Variants in DHRSX observed in about 807,000 individuals in gnomAD.
The protein encoded by DHRSX is polyprenol dehydrogenase.
In DHRSX, 31 loss-of-function variants were observed where a neutral mutation model predicts 34.0. That is an observed-to-expected ratio of 0.91 (90% CI 0.69 to 1.23). The LOEUF is 1.23. DHRSX is among the 50% of genes most tolerant of loss of function. DHRSX has a pLI of 0.00. For synonymous variants in DHRSX, 201 were observed against 183.8 expected (o/e 1.09, Z -0.76); for missense variants, 414 against 428.1 (o/e 0.97, Z 0.29).
At chrX:2,229,389 C>G (rs1049223275) in intron 6 of DHRSX, among the ~76,000 whole-genome samples, 1 of 152,028 alleles carries the variant, frequency 6.6e-6, no homozygotes, top group Non-Finnish European at 1.5e-5. Context: ...CTCTCCATAC[C>G]TCTGCTCCAG....
At chrX:2,226,842 G>A (rs2015675827) in intron 6 of DHRSX, among the ~76,000 whole-genome samples, 1 of 152,028 alleles carries the variant, frequency 6.6e-6, no homozygotes. Flanking sequence ...CATGGGCACG[G>A]TTTCTCGTGT....
intron 1 of DHRSX, among the ~76,000 whole-genome samples, chrX:2,451,226 C>T (rs892132059): frequency 7.3e-6 from 1 of 137,272 alleles, no homozygotes; most frequent in East Asian, 2.1e-4. Context: ...CAGCAAGACT[C>T]CATCTTTAAA....
In DHRSX at chrX:2,382,824, A is replaced by T. The variant is rs760306686; in HGVS notation, c.286+25921T>A. ...CACCATCACCGTCATCACCACCATC[A>T]TCACCATCATCATCGCCATCATCAT... On this transcript the variant is annotated intron_variant, in intron 3 of 6. Coordinates refer to ENST00000334651, the MANE Select transcript of DHRSX (RefSeq NM_145177.3). Among the ~76,000 whole-genome samples, 204 of 151,496 alleles carry T rather than the reference A, an allele frequency of 1.3e-3. 2 individuals are homozygous for T. The highest frequency in any genetic ancestry group is 4.7e-3 in the African/African-American group (192 of 41,072).
chrX:2,328,125 C>T (rs768701789), intron 3 of DHRSX, among the ~76,000 whole-genome samples: 8 of 149,616 alleles, frequency 5.3e-5, no homozygotes, highest in African/African-American at 9.8e-5. Context: ...CACAGAGTGA[C>T]GACCCTGCGA....
chrX:2,314,793 T>C (rs921047106), intron 3 of DHRSX, among the ~76,000 whole-genome samples: 2 of 152,080 alleles, frequency 1.3e-5, no homozygotes, highest in Non-Finnish European at 2.9e-5. Flanking sequence ...GTCCTCATGA[T>C]TTTGCCTGGA....
intron 3 of DHRSX, among the ~76,000 whole-genome samples, chrX:2,324,120 T>A (rs184316751): frequency 6.6e-6 from 1 of 151,842 alleles, no homozygotes; most frequent in African/African-American, 2.4e-5. Flanking sequence ...TAATTAAAAG[T>A]AATTTCTGCT....
At chrX:2,287,436 A>G (rs2041816682) in intron 4 of DHRSX, among the ~76,000 whole-genome samples, 1 of 152,126 alleles carries the variant, frequency 6.6e-6, no homozygotes, top group Admixed American at 6.5e-5. Flanking sequence ...AGACAAAATA[A>G]TGGCCCTGAA....
At chrX:2,484,213 T>C (rs371981533) in intron 1 of DHRSX, among the ~76,000 whole-genome samples, 72 of 152,242 alleles carry the variant, frequency 4.7e-4, no homozygotes, top group African/African-American at 1.6e-3. Context: ...CCTCAGGCGA[T>C]CCACCCGCCT....
intron 3 of DHRSX, among the ~76,000 whole-genome samples, chrX:2,377,166 A>G (rs1569495251): frequency 6.6e-6 from 1 of 152,096 alleles, no homozygotes; most frequent in Non-Finnish European, 1.5e-5. Flanking sequence ...CTGTCTTCAT[A>G]GAAAGACAGT....
At chrX:2,336,963 T>C (rs1389368515) in intron 3 of DHRSX, among the ~76,000 whole-genome samples, 4 of 152,120 alleles carry the variant, frequency 2.6e-5, no homozygotes, top group Non-Finnish European at 4.4e-5. Flanking sequence ...CAACCCGTCA[T>C]CTAGGTTTTA....
intron 1 of DHRSX, among the ~76,000 whole-genome samples, chrX:2,475,198 A>G (rs35496884): frequency 0.17 from 24,092 of 138,002 alleles, 3,293 homozygotes; most frequent in African/African-American, 0.36. Context: ...CACTGAAGAC[A>G]TTCCCTAAGA....
intron 3 of DHRSX, among the ~76,000 whole-genome samples, chrX:2,388,069 G>T (rs970525420): frequency 6.6e-6 from 1 of 152,014 alleles, no homozygotes; most frequent in Non-Finnish European, 1.5e-5. Flanking sequence ...TCAGCCTCAG[G>T]GCTTGAGGGG....
intron 1 of DHRSX, among the ~76,000 whole-genome samples, chrX:2,425,794 G>T (rs188554573): frequency 1.3e-5 from 2 of 152,172 alleles, no homozygotes; most frequent in African/African-American, 4.8e-5. Context: ...GAGGAGGGGC[G>T]TGTTGACACC....
chrX:2,358,068 T>G (rs2042879660), intron 3 of DHRSX, among the ~76,000 whole-genome samples: 1 of 152,182 alleles, frequency 6.6e-6, no homozygotes, highest in Non-Finnish European at 1.5e-5. Flanking sequence ...TTATGCTACT[T>G]TGTCTTCAAA....
intron 3 of DHRSX, among the ~76,000 whole-genome samples, chrX:2,292,489 T>C (rs1189564242): frequency 1.3e-5 from 2 of 152,074 alleles, no homozygotes; most frequent in East Asian, 1.9e-4. Context: ...CGCTGCTGAG[T>C]CTGTGGGTTA....
rs2041491015 is a variant in DHRSX at position 2,267,514 on chromosome X, C to G, written c.389-567G>C. Among the ~76,000 whole-genome samples, 5 of 145,408 alleles carry G rather than the reference C, an allele frequency of 3.4e-5. No individual in the cohort carries two copies. In the South Asian group the frequency reaches 1.1e-3, roughly 31 times the overall value. ...GAGCTGAGATCATGCCACTGCACTC[C>G]AGCCTGGTGACAGAGCGAGACTCCA... On this transcript the variant is annotated intron_variant, in intron 4 of 6. Coordinates refer to ENST00000334651, the MANE Select transcript of DHRSX (RefSeq NM_145177.3).
rs768710073 is a variant in DHRSX, at chrX:2,275,343, C to CAAAA, written c.389-8400_389-8397dup. On this transcript the variant is annotated intron_variant, in intron 4 of 6. Coordinates refer to ENST00000334651, the MANE Select transcript of DHRSX (RefSeq NM_145177.3). The stretch of plus-strand genomic sequence containing the variant: ...TGAAACCCCGTCTCTACTAAAAATA[C>CAAAA]AAAAAAAAAAAAAAAATTAGCTGAG... Among the ~76,000 whole-genome samples the CAAAA allele has an allele frequency of 7.1e-5, 9 of 127,328 alleles. 1 individual carries two copies. The highest frequency in any genetic ancestry group is 1.2e-4 in the Non-Finnish European group (7 of 60,536). The allele number at this position is 127,328 out of a possible 152,430, so 83.5% of individuals were successfully genotyped here.
At chrX:2,437,533 G>A (rs1316186119) in intron 1 of DHRSX, among the ~76,000 whole-genome samples, 1 of 151,804 alleles carries the variant, frequency 6.6e-6, no homozygotes, top group Admixed American at 6.6e-5. Context: ...GAGCCTGGGA[G>A]AGCAAGGCTG....
At chrX:2,431,974 C>T (rs145063891) in intron 1 of DHRSX, among the ~76,000 whole-genome samples, 2,049 of 152,108 alleles carry the variant, frequency 0.013, 51 homozygotes, top group African/African-American at 0.046. Context: ...GGGTGGATCA[C>T]GAGGTCAGGA....
Sources: allele counts gnomAD v4.1 joint callset (sites outside exome capture counted in the v4.1 genomes callset), GRCh38; gene constraint gnomAD v4.1.1; transcripts MANE v1.5; gene names NCBI Gene and HGNC (gene_info 2026-07-23, HGNC 2026-07-21).